Variants in TG observed in about 807,000 individuals in gnomAD.
The protein encoded by TG is thyroglobulin, also known as thyroid hormones.
In TG, 270 loss-of-function variants were observed where a neutral mutation model predicts 324.7. The ratio of observed to expected loss-of-function variants is 0.83; its 90% CI spans 0.75 to 0.92. The LOEUF (loss-of-function observed/expected upper bound fraction) is 0.92, where lower values mean the gene tolerates loss of function less well. Ranked by LOEUF, TG falls within the 40% of genes least tolerant of loss-of-function variation. The pLI, the probability that TG is intolerant of heterozygous loss-of-function variation, is 0.00. For missense variants in TG, 3,591 were observed against 3,456.4 expected (o/e 1.04, Z -0.98); for synonymous variants, 1,401 against 1,327.0 (o/e 1.06, Z -1.21).
At chr8:132,983,697 G>T (rs1216147607) in intron 35 of TG, 2 of 521,502 alleles carry the variant, frequency 3.8e-6, no homozygotes, top group Non-Finnish European at 6.9e-6. Context: ...TCATTTTAAG[G>T]ATTATTTCGC....
At chr8:132,938,496 G>A (rs1389876330) in intron 25 of TG, among the ~76,000 whole-genome samples, 1 of 152,172 alleles carries the variant, frequency 6.6e-6, no homozygotes, top group Non-Finnish European at 1.5e-5. Flanking sequence ...AGTCTGAAAG[G>A]CCTTCCTGGC....
chr8:133,066,929 G>C (rs1564143834), intron 41 of TG, among the ~76,000 whole-genome samples: 1 of 152,114 alleles, frequency 6.6e-6, no homozygotes, highest in Non-Finnish European at 1.5e-5. Flanking sequence ...CCTCTGTCTG[G>C]GCCAAAGAGT....
chr8:132,893,669 G>C (rs367866251), intron 10 of TG, 21 bp from the exon 11 acceptor site: 1 of 1,613,500 alleles, frequency 6.2e-7, no homozygotes, highest in Admixed American at 1.7e-5. Context: ...GAGTCCATCT[G>C]TGTTATTTTT....
At chr8:133,067,483 G>T (rs1843198254) in intron 41 of TG, among the ~76,000 whole-genome samples, 1 of 152,106 alleles carries the variant, frequency 6.6e-6, no homozygotes, top group South Asian at 2.1e-4. Flanking sequence ...GGGGAAGAAC[G>T]TGGGATCCTC....
intron 26 of TG, 133 bp from the exon 27 acceptor site, chr8:132,948,643 A>G: frequency 3.0e-6 from 3 of 1,006,034 alleles, no homozygotes; most frequent in Non-Finnish European, 1.6e-6. Flanking sequence ...CAGGCTCTTG[A>G]ATTCTAGTGT....
chr8:133,074,552 C>T (rs976942178), intron 41 of TG, among the ~76,000 whole-genome samples: 2 of 152,112 alleles, frequency 1.3e-5, no homozygotes, highest in Admixed American at 1.3e-4. Context: ...ATGGCAAATC[C>T]CAATTATCCT....
chr8:133,026,680 G>C (rs1700120391), intron 40 of TG, among the ~76,000 whole-genome samples: 1 of 152,152 alleles, frequency 6.6e-6, no homozygotes, highest in African/African-American at 2.4e-5. Flanking sequence ...AGGTCCGGCT[G>C]CCAACGGTAA....
intron 35 of TG, among the ~76,000 whole-genome samples, chr8:132,985,288 G>C (rs186019497): frequency 2.2e-3 from 338 of 152,292 alleles, no homozygotes; most frequent in South Asian, 0.016. Context: ...AAAGTATACA[G>C]AGAATGTGTG....
chr8:133,000,961 C>T (rs1050696715), intron 35 of TG, among the ~76,000 whole-genome samples: 1 of 152,064 alleles, frequency 6.6e-6, no homozygotes, highest in Non-Finnish European at 1.5e-5. Context: ...TGATTCCTTC[C>T]AAGGTCCCTG....
At chr8:132,874,099 G>A (rs1413830125) in intron 5 of TG, among the ~76,000 whole-genome samples, 1 of 152,158 alleles carries the variant, frequency 6.6e-6, no homozygotes, top group African/African-American at 2.4e-5. Context: ...TTGAACCCAG[G>A]AGGCAGAGAT....
intron 35 of TG, among the ~76,000 whole-genome samples, chr8:133,007,721 C>G (rs1454901151): frequency 1.3e-5 from 2 of 150,414 alleles, no homozygotes; most frequent in Admixed American, 1.3e-4. Context: ...CAATTAAAGG[C>G]ATAGGCATAT....
chr8:132,894,296 A>G (rs1029984941), intron 11 of TG, among the ~76,000 whole-genome samples: 34 of 152,250 alleles, frequency 2.2e-4, no homozygotes, highest in African/African-American at 7.7e-4. Context: ...AACACCACAC[A>G]GCAGGAGGGG....
chr8:133,068,912 C>A (rs1199876463), intron 41 of TG, among the ~76,000 whole-genome samples: 1 of 152,262 alleles, frequency 6.6e-6, no homozygotes, highest in Non-Finnish European at 1.5e-5. Flanking sequence ...CTGACAAAAC[C>A]AGGCTATAAA....
At chr8:133,001,851 AGCCTGTGCAGGTGTGGAAACC>A in intron 35 of TG, 1 of 985,506 alleles carries the variant, frequency 1.0e-6, no homozygotes, top group Non-Finnish European at 1.2e-6. Context: ...TACCCCAGCC[AGCCTGTGCAGGTGTGGAAACC>A]GCCTCTTCTA....
chr8:133,075,620 G>A (rs6990835), intron 41 of TG, among the ~76,000 whole-genome samples: 31,261 of 152,148 alleles, frequency 0.21, 3,510 homozygotes, highest in Non-Finnish European at 0.25. Flanking sequence ...AGGATGTCTC[G>A]TATCATGACG....
chr8:133,010,025 A>T (rs1255999007), intron 35 of TG, among the ~76,000 whole-genome samples: 2 of 152,152 alleles, frequency 1.3e-5, no homozygotes, highest in Admixed American at 1.3e-4. Context: ...AAAATTATAA[A>T]CTTCCCTGTA....
At chr8:133,128,768 C>A (rs1270190520) in intron 45 of TG, among the ~76,000 whole-genome samples, 3 of 152,176 alleles carry the variant, frequency 2.0e-5, no homozygotes, top group African/African-American at 7.2e-5. Context: ...AATGTGATTA[C>A]CAAAAACAGC....
intron 28 of TG, 42 bp from the exon 29 acceptor site, chr8:132,962,952 C>T: frequency 6.4e-7 from 1 of 1,566,398 alleles, no homozygotes; most frequent in Non-Finnish European, 8.8e-7. Flanking sequence ...GAGTACTACC[C>T]ATTCTCCCCA....
Position 132,868,113 on chromosome 8 carries a change from A to G in TG, c.68-2A>G. ...TTTGATGAACCACTTTTCTTTTCCT[A>G]GAGTACCAGGTGGATGCCCAGCCCC... On this transcript the variant is annotated splice_acceptor_variant, in intron 1 of 47. Coordinates refer to ENST00000220616, the MANE Select transcript of TG (RefSeq NM_003235.5). LOFTEE classifies it high-confidence loss of function. 1.2e-6 allele frequency: 2 copies of G among 1,614,020 alleles called. No homozygotes were observed.
Sources: gnomAD v4.1 joint callset for allele counts (sites outside exome capture counted in the v4.1 genomes callset) on GRCh38, gnomAD v4.1.1 for gene constraint, MANE v1.5 for transcripts, NCBI Gene and HGNC (gene_info 2026-07-23, HGNC 2026-07-21) for gene names.